The following KCNIP1 variants were observed in gnomAD, a reference collection of about 807,000 sequenced individuals.
The protein encoded by KCNIP1 is potassium voltage-gated channel interacting protein 1, also known as A-type potassium channel modulatory protein KCNIP1.
KCNIP1 carries 18 observed loss-of-function variants against 33.0 expected under a neutral mutation model. The observed-to-expected ratio is 0.55, with a 90% CI of 0.38 to 0.81. KCNIP1 has a LOEUF of 0.81. Ranked by LOEUF, KCNIP1 falls within the 30% of genes least tolerant of loss-of-function variation. KCNIP1 has a pLI of 0.00. For synonymous variants in KCNIP1, 93 were observed against 98.3 expected, an observed-to-expected ratio of 0.95 and a Z score of 0.32; for missense variants, 238 against 271.6, an observed-to-expected ratio of 0.88 and a Z score of 0.87.
intron 1 of KCNIP1, among the ~76,000 whole-genome samples, chr5:170,571,363 CA>C (rs1182465408): frequency 6.6e-6 from 1 of 152,260 alleles, no homozygotes; most frequent in Non-Finnish European, 1.5e-5. Context: ...TATACTCCAG[CA>C]AGACTTAGCT....
rs780605560 is a variant in KCNIP1 at position 170,733,851 on chromosome 5, A to G, written c.556A>G (p.Lys186Glu). ...TGTCTTTCAGAAAATGGACAAAAAT[A>G]AAGATGGCATCGTAACTTTAGATGA... ...DVFFQKMDKN[K>E]DGIVTLDEFL... The change falls in exon 7 of 8, where the codon AAA (lysine) becomes GAA (glutamate). Residue 186 changes from lysine to glutamate, a missense_variant. Lys to Glu is a moderately conservative substitution (Grantham distance 56). Transcript: ENST00000328939. 2 of 1,613,708 alleles carry G rather than the reference A, an allele frequency of 1.2e-6. No individual in the cohort carries two copies. Among genetic ancestry groups the G allele is most frequent in the Non-Finnish European group, 1.7e-6 (2 of 1,179,650 alleles).
intron 1 of KCNIP1, among the ~76,000 whole-genome samples, chr5:170,664,813 TG>T (rs1357604095): frequency 4.6e-5 from 7 of 152,008 alleles, no homozygotes; most frequent in Non-Finnish European, 1.0e-4. Flanking sequence ...CCAGAGAGCA[TG>T]GGGGCATTGA....
Position 170,580,106 on chromosome 5 carries a change from C to A in KCNIP1, c.61+75473C>A, listed in dbSNP as rs536834152. Among the ~76,000 whole-genome samples, 125 of 152,260 alleles carry A rather than the reference C, an allele frequency of 8.2e-4. No homozygotes were observed. In the South Asian group the frequency reaches 9.1e-3, roughly 11 times the overall value. The stretch of plus-strand genomic sequence containing the variant: ...GAAAAATGGCTACTGGTCCCCTGGA[C>A]GCTGATTGCTTCAGCATCTGAATCT... On this transcript the variant is annotated intron_variant, in intron 1 of 7. Transcript: ENST00000328939.
At chr5:170,403,215 G>C (rs1754952347) in intron 1 of KCNIP1, among the ~76,000 whole-genome samples, 1 of 152,216 alleles carries the variant, frequency 6.6e-6, no homozygotes, top group Non-Finnish European at 1.5e-5. Context: ...AAGGGAGGGG[G>C]TGACAGAAAG....
At chr5:170,366,788 C>T (rs1289060027) in intron 1 of KCNIP1, among the ~76,000 whole-genome samples, 1 of 152,216 alleles carries the variant, frequency 6.6e-6, no homozygotes, top group Non-Finnish European at 1.5e-5. Flanking sequence ...GAAGTGGTGG[C>T]CACCCAGCAG....
At chr5:170,722,047 C>G in intron 4 of KCNIP1, 144 bp downstream of exon 4, 1 of 1,043,834 alleles carries the variant, frequency 9.6e-7, no homozygotes. Context: ...TAAGCATTTC[C>G]TAAAGATGGG....
At chr5:170,430,191 G>C (rs952164674) in intron 1 of KCNIP1, among the ~76,000 whole-genome samples, 5 of 152,236 alleles carry the variant, frequency 3.3e-5, no homozygotes, top group Admixed American at 3.3e-4. Context: ...TGTTGGTCTG[G>C]ATGGTGTGGT....
chr5:170,394,005 G>T (rs938519669), intron 1 of KCNIP1, among the ~76,000 whole-genome samples: 1 of 152,216 alleles, frequency 6.6e-6, no homozygotes, highest in African/African-American at 2.4e-5. Flanking sequence ...GCATGATGTG[G>T]AAGTGCAGGG....
chr5:170,465,093 G>A (rs557610523), intron 1 of KCNIP1, among the ~76,000 whole-genome samples: 1 of 152,300 alleles, frequency 6.6e-6, no homozygotes, highest in South Asian at 2.1e-4. Context: ...TCAGGAACAT[G>A]AGCACTGGGA....
intron 1 of KCNIP1, among the ~76,000 whole-genome samples, chr5:170,512,562 T>G (rs1198965139): frequency 6.6e-6 from 1 of 152,244 alleles, no homozygotes; most frequent in Non-Finnish European, 1.5e-5. Flanking sequence ...CATCTCTACA[T>G]AATCTAGAAA....
intron 1 of KCNIP1, among the ~76,000 whole-genome samples, chr5:170,693,635 C>T (rs889441296): frequency 6.6e-5 from 10 of 152,206 alleles, no homozygotes; most frequent in Non-Finnish European, 1.2e-4. Flanking sequence ...GAAGACCCTC[C>T]ATCAACATGA....
chr5:170,692,637 T>C (rs1581507543), intron 1 of KCNIP1, among the ~76,000 whole-genome samples: 1 of 152,250 alleles, frequency 6.6e-6, no homozygotes, highest in African/African-American at 2.4e-5. Flanking sequence ...CTGGGGATAC[T>C]AATATCACCT....
intron 1 of KCNIP1, among the ~76,000 whole-genome samples, chr5:170,622,236 C>T (rs980585289): frequency 3.3e-5 from 5 of 152,182 alleles, no homozygotes; most frequent in Admixed American, 2.6e-4. Flanking sequence ...GAAATAGCAT[C>T]TTTGCAAGTT....
rs1763873705 is a variant in KCNIP1 at position 170,722,833 on chromosome 5, G to C, written c.435+13G>C. 1 of 1,566,314 alleles carries C rather than the reference G, an allele frequency of 6.4e-7. No homozygotes were observed. The highest frequency in any genetic ancestry group is 2.2e-5 in the East Asian group (1 of 44,596). ...CATAAACAAAGAGGTAAGTGAGCTGGGGCCAGGGGTGTGAGAGGGCTCCAG... is the reference window on the plus strand; with the variant it reads ...CATAAACAAAGAGGTAAGTGAGCTGCGGCCAGGGGTGTGAGAGGGCTCCAG... On this transcript the variant is annotated intron_variant, in intron 5 of 7. Coordinates refer to ENST00000328939, the MANE Select transcript of KCNIP1 (RefSeq NM_014592.4).
At chr5:170,649,298 T>C (rs1760938414) in intron 1 of KCNIP1, among the ~76,000 whole-genome samples, 1 of 152,188 alleles carries the variant, frequency 6.6e-6, no homozygotes, top group South Asian at 2.1e-4. Context: ...TTATGCAAAA[T>C]GAAAATAAAA....
chr5:170,407,201 T>G (rs1325109540), intron 1 of KCNIP1, among the ~76,000 whole-genome samples: 1 of 152,194 alleles, frequency 6.6e-6, no homozygotes, highest in Non-Finnish European at 1.5e-5. Context: ...AGCATGCTAC[T>G]GCTAGCGGGG....
chr5:170,538,674 C>T (rs1756085347), intron 1 of KCNIP1, among the ~76,000 whole-genome samples: 1 of 151,798 alleles, frequency 6.6e-6, no homozygotes, highest in Admixed American at 6.6e-5. Flanking sequence ...ATGCTGCCCC[C>T]AAAACTCTCA....
chr5:170,607,852 T>C (rs1758989883), intron 1 of KCNIP1, among the ~76,000 whole-genome samples: 1 of 152,182 alleles, frequency 6.6e-6, no homozygotes. Flanking sequence ...AGCCACAGGA[T>C]GTGTGACGAG....
At chr5:170,547,630 T>C (rs1756464817) in intron 1 of KCNIP1, among the ~76,000 whole-genome samples, 1 of 152,194 alleles carries the variant, frequency 6.6e-6, no homozygotes, top group Non-Finnish European at 1.5e-5. Context: ...TGGTATTCAG[T>C]TTTCTGCTCC....
Sources: allele counts gnomAD v4.1 joint callset (sites outside exome capture counted in the v4.1 genomes callset), GRCh38; gene constraint gnomAD v4.1.1; transcripts MANE v1.5; gene names NCBI Gene and HGNC (gene_info 2026-07-23, HGNC 2026-07-21).